The following NLK variants were observed in gnomAD, a reference collection of about 807,000 sequenced individuals.
The protein encoded by NLK is serine/threonine-protein kinase NLK.
Under a neutral mutation model 59.0 loss-of-function variants are expected in NLK, and 11 were observed. The ratio of observed to expected loss-of-function variants is 0.19; its 90% CI spans 0.12 to 0.31. NLK has a LOEUF of 0.31. NLK is among the 10% of genes least tolerant of loss of function. The pLI, the probability that NLK is intolerant of heterozygous loss-of-function variation, is 1.00. For missense variants in NLK, 410 were observed against 661.1 expected (o/e 0.62, Z 4.16); for synonymous variants, 235 against 235.9 (o/e 1.00, Z 0.03).
chr17:28,054,197 C>T (rs577819619), intron 1 of NLK, among the ~76,000 whole-genome samples: 2 of 152,258 alleles, frequency 1.3e-5, no homozygotes, highest in African/African-American at 2.4e-5. Flanking sequence ...GTTTGAATTG[C>T]CTCAGAGAAT....
intron 7 of NLK, among the ~76,000 whole-genome samples, chr17:28,181,137 ACCTGTAAT>A (rs1908887174): frequency 6.6e-6 from 1 of 151,980 alleles, no homozygotes; most frequent in Non-Finnish European, 1.5e-5. Flanking sequence ...GGTGGCTCAC[ACCTGTAAT>A]CCCAGCACTT....
intron 7 of NLK, among the ~76,000 whole-genome samples, 164 bp downstream of exon 7, chr17:28,172,782 T>G: frequency 6.6e-6 from 1 of 152,178 alleles, no homozygotes; most frequent in East Asian, 1.9e-4. Flanking sequence ...TTTGTCAAAC[T>G]GAATAAAATC....
chr17:28,055,235 C>T (rs185423682), intron 1 of NLK, among the ~76,000 whole-genome samples: 12 of 151,614 alleles, frequency 7.9e-5, no homozygotes, highest in Middle Eastern at 3.4e-3. Flanking sequence ...TGGGACTACA[C>T]GCACACGCCA....
At chr17:28,126,373 G>A (rs1261744579) in intron 2 of NLK, among the ~76,000 whole-genome samples, 1 of 152,154 alleles carries the variant, frequency 6.6e-6, no homozygotes, top group Non-Finnish European at 1.5e-5. Flanking sequence ...TGACAGGCAA[G>A]TACCATAATA....
intron 7 of NLK, among the ~76,000 whole-genome samples, chr17:28,181,242 A>G (rs1213231979): frequency 6.6e-6 from 1 of 152,158 alleles, no homozygotes; most frequent in Non-Finnish European, 1.5e-5. Flanking sequence ...CACTAAAAAT[A>G]CAAAAAAATT....
chr17:28,077,407 A>G (rs1259478421), intron 1 of NLK, among the ~76,000 whole-genome samples: 1 of 152,072 alleles, frequency 6.6e-6, no homozygotes, highest in Non-Finnish European at 1.5e-5. Flanking sequence ...CGAGAACAGT[A>G]TGGGGGAAAC....
intron 5 of NLK, among the ~76,000 whole-genome samples, chr17:28,167,650 G>T (rs1216174361): frequency 1.3e-5 from 2 of 148,614 alleles, no homozygotes; most frequent in Non-Finnish European, 3.0e-5. Context: ...AGGAGTTCAA[G>T]ACCAGCCTGG....
chr17:28,110,939 G>C (rs1905443678), intron 1 of NLK, among the ~76,000 whole-genome samples: 1 of 150,950 alleles, frequency 6.6e-6, no homozygotes, highest in Admixed American at 6.6e-5. Flanking sequence ...CCGCCTCCCG[G>C]GTTCACGCCA....
At chr17:28,073,919 A>C (rs1910090448) in intron 1 of NLK, among the ~76,000 whole-genome samples, 1 of 152,254 alleles carries the variant, frequency 6.6e-6, no homozygotes, top group South Asian at 2.1e-4. Context: ...TGTAATATGC[A>C]TTCACTAAAG....
intron 8 of NLK, 36 bp from the exon 9 acceptor site, chr17:28,190,985 G>T (rs1332959456): frequency 3.5e-6 from 5 of 1,440,094 alleles, no homozygotes; most frequent in Non-Finnish European, 4.8e-6. Flanking sequence ...CATTTTATCT[G>T]TAGTGTTGAT....
At chr17:28,121,368 T>G (rs1363626069) in intron 1 of NLK, among the ~76,000 whole-genome samples, 1 of 143,938 alleles carries the variant, frequency 6.9e-6, no homozygotes, top group Admixed American at 7.1e-5. Flanking sequence ...ACAACCAATC[T>G]TAGTATGATA....
intron 7 of NLK, among the ~76,000 whole-genome samples, chr17:28,176,065 C>T (rs1260803579): frequency 1.3e-5 from 2 of 152,032 alleles, no homozygotes; most frequent in Admixed American, 6.5e-5. Context: ...ACAAACAATA[C>T]AGTGAACTGT....
At chr17:28,087,473 T>C (rs977663767) in intron 1 of NLK, among the ~76,000 whole-genome samples, 2 of 152,134 alleles carry the variant, frequency 1.3e-5, no homozygotes, top group East Asian at 1.9e-4. Flanking sequence ...CTTTATTGTA[T>C]AGAGGGATGT....
At chr17:28,181,838 G>A (rs1002185134) in intron 7 of NLK, among the ~76,000 whole-genome samples, 11 of 152,104 alleles carry the variant, frequency 7.2e-5, no homozygotes, top group East Asian at 1.9e-4. Flanking sequence ...TCACGAAACC[G>A]TGTCTCTAAA....
intron 7 of NLK, among the ~76,000 whole-genome samples, chr17:28,183,350 T>C (rs1179511422): frequency 6.6e-6 from 1 of 152,102 alleles, no homozygotes. Flanking sequence ...TTTTTTGTTT[T>C]TAGAATCTCA....
chr17:28,120,841 A>G (rs1906015047), intron 1 of NLK, among the ~76,000 whole-genome samples: 1 of 152,226 alleles, frequency 6.6e-6, no homozygotes, highest in South Asian at 2.1e-4. Context: ...GTTTTTAGAC[A>G]GATATGTAGA....
intron 1 of NLK, among the ~76,000 whole-genome samples, chr17:28,107,546 A>G (rs1237917959): frequency 6.6e-6 from 1 of 152,206 alleles, no homozygotes; most frequent in Non-Finnish European, 1.5e-5. Context: ...TACTAAGGTC[A>G]GAACATAAGA....
chr17:28,144,443 T>G (rs1313813912), intron 3 of NLK, among the ~76,000 whole-genome samples: 3 of 148,364 alleles, frequency 2.0e-5, no homozygotes, highest in Admixed American at 6.8e-5. Flanking sequence ...TCTTTTCACC[T>G]CTCCATTAAA....
chr17:28,143,808 A>G (rs754195506), intron 3 of NLK, among the ~76,000 whole-genome samples: 19 of 152,220 alleles, frequency 1.2e-4, no homozygotes, highest in South Asian at 1.2e-3. Context: ...AGTTTTTTAC[A>G]TAAGACAGTA....
Sources: allele counts gnomAD v4.1 joint callset (sites outside exome capture counted in the v4.1 genomes callset), GRCh38; gene constraint gnomAD v4.1.1; transcripts MANE v1.5; gene names NCBI Gene and HGNC (gene_info 2026-07-23, HGNC 2026-07-21).